Variants in APAF1 observed in about 807,000 individuals in gnomAD.
APAF1 encodes the protein apoptotic protease-activating factor 1.
Under a neutral mutation model 152.4 loss-of-function variants are expected in APAF1, and 91 were observed. The observed-to-expected ratio is 0.60, with a 90% CI of 0.50 to 0.71. APAF1 has a LOEUF of 0.71. Among genes scored for constraint, APAF1 ranks in the 30% least tolerant of loss-of-function variants. The pLI is 0.00. For missense variants in APAF1, 1,283 were observed against 1,472.0 expected (o/e 0.87, Z 2.10); for synonymous variants, 484 against 494.1 (o/e 0.98, Z 0.27).
intron 5 of APAF1, 121 bp downstream of exon 5, chr12:98,659,464 C>T (rs2097661978): frequency 1.8e-5 from 20 of 1,122,722 alleles, no homozygotes; most frequent in Non-Finnish European, 2.4e-5. Context: ...AAGAGAGAAC[C>T]ATTGCGGCCA....
At chr12:98,710,140 C>T (rs1230163545) in intron 20 of APAF1, among the ~76,000 whole-genome samples, 4 of 149,056 alleles carry the variant, frequency 2.7e-5, no homozygotes, top group South Asian at 4.2e-4. Context: ...TCCCAAAGAG[C>T]TGGGATTATA....
At chr12:98,707,771 A>G (rs2097723261) in intron 19 of APAF1, among the ~76,000 whole-genome samples, 1 of 151,786 alleles carries the variant, frequency 6.6e-6, no homozygotes, top group Non-Finnish European at 1.5e-5. Flanking sequence ...ACAGGCAGAG[A>G]AAGACTGAGA....
At chr12:98,695,369 T>G (rs1593078230) in intron 16 of APAF1, among the ~76,000 whole-genome samples, 1 of 151,140 alleles carries the variant, frequency 6.6e-6, no homozygotes, top group Non-Finnish European at 1.5e-5. Context: ...CCCCTTTTTT[T>G]TTTTTGAGAC....
At chr12:98,718,689 A>C (rs2097737851) in intron 22 of APAF1, among the ~76,000 whole-genome samples, 1 of 152,070 alleles carries the variant, frequency 6.6e-6, no homozygotes. Context: ...TAATCCCAGC[A>C]CTTTGGGAGT....
At position 98,725,462 on chromosome 12, in the gene APAF1, C is replaced by T; in HGVS notation, c.3378C>T (p.His1126=). The T allele has an allele frequency of 6.2e-7, 1 of 1,614,148 alleles. No homozygotes were observed. Among genetic ancestry groups the T allele is most frequent in the South Asian group, 1.1e-5 (1 of 91,070 alleles). The change falls in exon 25 of 27, where the codon CAC becomes CAT. Residue 1126 remains histidine (H), a synonymous_variant. Transcript: ENST00000551964. ...TGCCACTTCATGAATTGAGGGGCCA[C>T]AACGGCTGTGTGCGCTGCTCTGCCT... ...LLLPLHELRG[H]NGCVRCSAFS... is the part of the protein sequence containing the mutation.
chr12:98,674,389 T>C (rs2097684230), intron 12 of APAF1, among the ~76,000 whole-genome samples: 1 of 152,110 alleles, frequency 6.6e-6, no homozygotes, highest in Admixed American at 6.6e-5. Context: ...CCTCCTACCT[T>C]CCCACTTTCC....
At chr12:98,653,165 C>T (rs1013720115) in intron 4 of APAF1, among the ~76,000 whole-genome samples, 2 of 151,972 alleles carry the variant, frequency 1.3e-5, no homozygotes, top group African/African-American at 4.8e-5. Flanking sequence ...GGTGCTTTCC[C>T]AAAGATAAAT....
intron 14 of APAF1, among the ~76,000 whole-genome samples, chr12:98,682,355 A>G (rs1218862540): frequency 6.6e-6 from 1 of 152,170 alleles, no homozygotes; most frequent in African/African-American, 2.4e-5. Flanking sequence ...GCCCGGCCTG[A>G]TGATTACTTT....
chr12:98,679,701 G>T (rs1220403757), intron 13 of APAF1, among the ~76,000 whole-genome samples: 1 of 152,220 alleles, frequency 6.6e-6, no homozygotes, highest in Non-Finnish European at 1.5e-5. Flanking sequence ...AAGCTTCTGG[G>T]CACCACCGTG....
chr12:98,659,396 G>A (rs552092526), intron 5 of APAF1, 53 bp downstream of exon 5: 1 of 1,554,294 alleles, frequency 6.4e-7, no homozygotes, highest in Admixed American at 1.7e-5. Context: ...CCAATAAGAT[G>A]TAACTACTGA....
chr12:98,669,863 C>G (rs998391935), intron 10 of APAF1, among the ~76,000 whole-genome samples: 1 of 151,784 alleles, frequency 6.6e-6, no homozygotes, highest in Non-Finnish European at 1.5e-5. Context: ...ACCTCCTCTC[C>G]TCTCCTCCCT....
At chr12:98,672,693 A>T (rs762737867) in intron 12 of APAF1, among the ~76,000 whole-genome samples, 27 of 152,086 alleles carry the variant, frequency 1.8e-4, no homozygotes, top group Non-Finnish European at 1.2e-4. Flanking sequence ...ATGCTACATA[A>T]TCAAGTTATT....
intron 22 of APAF1, among the ~76,000 whole-genome samples, chr12:98,718,877 T>TGAGCTATG (rs2153341775): frequency 6.6e-6 from 1 of 151,858 alleles, no homozygotes; most frequent in African/African-American, 2.4e-5. Flanking sequence ...CAGGCTGGAG[T>TGAGCTATG]GAGCTATGAT....
intron 16 of APAF1, among the ~76,000 whole-genome samples, chr12:98,687,957 G>A (rs1328065136): frequency 6.6e-6 from 1 of 152,054 alleles, no homozygotes. Context: ...GAGTACAGGC[G>A]CCTGCCACCA....
intron 1 of APAF1, among the ~76,000 whole-genome samples, chr12:98,647,574 C>T (rs1451344658): frequency 6.6e-6 from 1 of 151,824 alleles, no homozygotes; most frequent in African/African-American, 2.4e-5. Flanking sequence ...GTTTCACCAT[C>T]TTGGCCAGGC....
chr12:98,699,300 C>A (rs1003417772), intron 16 of APAF1, 108 bp from the exon 17 acceptor site: 19 of 1,087,794 alleles, frequency 1.7e-5, no homozygotes, highest in Middle Eastern at 2.5e-4. Context: ...AAAAATAATT[C>A]ATCAAGTGAA....
At chr12:98,659,489 C>T (rs1314277880) in intron 5 of APAF1, 146 bp downstream of exon 5, 15 of 892,058 alleles carry the variant, frequency 1.7e-5, no homozygotes, top group Non-Finnish European at 2.3e-5. Context: ...CAGTGGCTCA[C>T]GCCTGTAATC....
chr12:98,697,498 ACTT>A (rs1335405825), intron 16 of APAF1, among the ~76,000 whole-genome samples: 1 of 152,162 alleles, frequency 6.6e-6, no homozygotes, highest in Admixed American at 6.5e-5. Flanking sequence ...TCAAACTAAG[ACTT>A]CTTCAAACTC....
intron 16 of APAF1, among the ~76,000 whole-genome samples, chr12:98,695,519 C>T (rs150892328): frequency 9.8e-5 from 15 of 152,306 alleles, no homozygotes; most frequent in South Asian, 4.1e-4. Flanking sequence ...TGTGCACCAC[C>T]ATGCCTGGCT....
Sources: gnomAD v4.1 joint callset for allele counts (sites outside exome capture counted in the v4.1 genomes callset) on GRCh38, gnomAD v4.1.1 for gene constraint, MANE v1.5 for transcripts, NCBI Gene and HGNC (gene_info 2026-07-23, HGNC 2026-07-21) for gene names.